The following ODAD2 variants were observed in gnomAD, a reference collection of about 807,000 sequenced individuals.
The protein encoded by ODAD2 is outer dynein arm docking complex subunit 2.
Under a neutral mutation model 106.8 loss-of-function variants are expected in ODAD2, and 89 were observed. The observed-to-expected ratio is 0.83, with a 90% CI of 0.70 to 0.99. The LOEUF (loss-of-function observed/expected upper bound fraction) is 0.99. Ranked by LOEUF, ODAD2 falls within the 50% of genes least tolerant of loss-of-function variation. ODAD2 has a pLI of 0.00. For missense variants in ODAD2, 1,168 were observed against 1,238.5 expected, an observed-to-expected ratio of 0.94 and a Z score of 0.85; for synonymous variants, 404 against 436.2, an observed-to-expected ratio of 0.93 and a Z score of 0.92.
At chr10:27,900,370 C>T (rs971509283) in intron 17 of ODAD2, among the ~76,000 whole-genome samples, 2 of 152,174 alleles carry the variant, frequency 1.3e-5, no homozygotes, top group African/African-American at 2.4e-5. Context: ...AAAACCAGCA[C>T]AAAAAGGCTG....
At chr10:27,909,732 C>T (rs1281801091) in intron 16 of ODAD2, among the ~76,000 whole-genome samples, 1 of 143,772 alleles carries the variant, frequency 7.0e-6, no homozygotes, top group Non-Finnish European at 1.5e-5. Context: ...GCAGGAGAGT[C>T]GCTTGAACCC....
At chr10:27,873,993 G>A (rs1841119554) in intron 17 of ODAD2, among the ~76,000 whole-genome samples, 1 of 152,174 alleles carries the variant, frequency 6.6e-6, no homozygotes, top group Non-Finnish European at 1.5e-5. Context: ...GGGAGCCTAA[G>A]TCTCTTTGTA....
intron 17 of ODAD2, among the ~76,000 whole-genome samples, chr10:27,893,310 T>C (rs1842677734): frequency 6.6e-6 from 1 of 152,156 alleles, no homozygotes; most frequent in South Asian, 2.1e-4. Context: ...TATAACAATA[T>C]AAAAAAACGG....
intron 8 of ODAD2, among the ~76,000 whole-genome samples, chr10:27,970,101 AAAATAAATAAATAAATAAATAAAT>A (rs57804974): frequency 4.5e-5 from 6 of 133,320 alleles, no homozygotes; most frequent in Admixed American, 7.8e-5. Flanking sequence ...TCTGTCTCAA[AAAATAAATAAATAAATAAATAAAT>A]AAATAAATAA....
rs1790462153 is a variant in ODAD2, at chr10:27,939,832, G to T, written c.2097+65C>A. ...CATTCTCACAGAAGGAAACCACATG[G>T]TTAGAAAACTACCTTAAACTATGTG... is the stretch of plus-strand genomic sequence containing the variant. On this transcript the variant is annotated intron_variant, in intron 14 of 19. Coordinates refer to ENST00000305242, the MANE Select transcript of ODAD2 (RefSeq NM_018076.5). 10 of 890,230 alleles carry T rather than the reference G, an allele frequency of 1.1e-5. No individual in the cohort carries two copies. In the South Asian group the frequency reaches 2.2e-4, roughly 20 times the overall value. 55.1% of individuals were successfully genotyped at this position (890,230 alleles called of 1,614,324 possible).
intron 16 of ODAD2, among the ~76,000 whole-genome samples, chr10:27,917,409 A>G (rs1000982337): frequency 6.6e-5 from 10 of 152,254 alleles, no homozygotes; most frequent in African/African-American, 2.4e-4. Flanking sequence ...AAAAAATTAT[A>G]TAAGACAAGA....
intron 12 of ODAD2, among the ~76,000 whole-genome samples, chr10:27,943,472 C>T (rs1201592428): frequency 1.3e-5 from 2 of 152,036 alleles, no homozygotes; most frequent in Non-Finnish European, 2.9e-5. Context: ...AAATATTATA[C>T]ATTTTATTCC....
intron 19 of ODAD2, among the ~76,000 whole-genome samples, chr10:27,817,109 T>C (rs1374951775): frequency 6.6e-6 from 1 of 152,144 alleles, no homozygotes; most frequent in Non-Finnish European, 1.5e-5. Flanking sequence ...CACTTTTATA[T>C]TCTCATTCTC....
intron 19 of ODAD2, among the ~76,000 whole-genome samples, chr10:27,847,916 A>T (rs189638603): frequency 2.6e-3 from 389 of 152,338 alleles, no homozygotes; most frequent in Non-Finnish European, 4.5e-3. Context: ...TCAACAAAAT[A>T]AAAGAGGATA....
chr10:27,952,612 T>A (rs747278355), intron 10 of ODAD2, among the ~76,000 whole-genome samples: 2 of 152,112 alleles, frequency 1.3e-5, no homozygotes, highest in Non-Finnish European at 2.9e-5. Context: ...GTGTTCTCAT[T>A]GTAGATGAAC....
intron 16 of ODAD2, among the ~76,000 whole-genome samples, chr10:27,916,336 C>T (rs1414540964): frequency 6.6e-6 from 1 of 152,048 alleles, no homozygotes; most frequent in Non-Finnish European, 1.5e-5. Flanking sequence ...AGAACAAGCA[C>T]AGGGTGAAGA....
chr10:27,842,740 G>A (rs1228841888), intron 19 of ODAD2, among the ~76,000 whole-genome samples: 1 of 152,072 alleles, frequency 6.6e-6, no homozygotes, highest in Non-Finnish European at 1.5e-5. Flanking sequence ...TTAAAATTCT[G>A]AACAAACAAA....
chr10:27,994,869 T>A, intron 2 of ODAD2, 50 bp downstream of exon 2: 1 of 1,592,336 alleles, frequency 6.3e-7, no homozygotes, highest in Non-Finnish European at 8.6e-7. Flanking sequence ...CAATTGATAA[T>A]ACTATGTACA....
chr10:27,850,440 G>T (rs946205381), intron 19 of ODAD2, among the ~76,000 whole-genome samples: 2 of 92,568 alleles, frequency 2.2e-5, no homozygotes, highest in African/African-American at 8.7e-5. Context: ...GCGAGACTCC[G>T]TCTCAAAAAA....
chr10:27,829,367 T>C (rs1837304877), intron 19 of ODAD2, among the ~76,000 whole-genome samples: 1 of 152,224 alleles, frequency 6.6e-6, no homozygotes, highest in African/African-American at 2.4e-5. Flanking sequence ...GTCCAGTAAT[T>C]GCTTTTTTCA....
intron 7 of ODAD2, among the ~76,000 whole-genome samples, chr10:27,979,625 A>G (rs1193844129): frequency 6.6e-6 from 1 of 152,172 alleles, no homozygotes; most frequent in Non-Finnish European, 1.5e-5. Context: ...TTACAGTAGC[A>G]TCAAAAATAA....
In ODAD2 at chr10:27,860,690, C is replaced by T. The variant is rs972164483; in HGVS notation, c.2956G>A (p.Ala986Thr). The change falls in exon 19 of 20, where the codon GCC becomes ACC. Residue 986 changes from alanine (A) to threonine (T), a missense_variant. Around this residue, in one of 3 missense-constraint regions of ODAD2, gnomAD observed 701 missense variants for 712.3 expected, o/e 0.98. Coordinates refer to ENST00000305242, the MANE Select transcript of ODAD2 (RefSeq NM_018076.5). ...DTNVHRATAQ[A>T]LYQLSEDADN... Reference sequence around the variant, plus strand: ...GCGTCTTCTGAGAGTTGGTACAAGGCCTGAGCTGTCGCCCGATGCACGTTG... The same window carrying T: ...GCGTCTTCTGAGAGTTGGTACAAGGTCTGAGCTGTCGCCCGATGCACGTTG... 5 of 1,614,134 alleles carry T rather than the reference C, an allele frequency of 3.1e-6. No individual in the cohort carries two copies. Among genetic ancestry groups the T allele is most frequent in the Non-Finnish European group, 4.2e-6 (5 of 1,180,018 alleles).
At chr10:27,912,964 A>T (rs971165928) in intron 16 of ODAD2, among the ~76,000 whole-genome samples, 2 of 152,176 alleles carry the variant, frequency 1.3e-5, no homozygotes, top group Admixed American at 6.5e-5. Flanking sequence ...AAATTTGGAG[A>T]AAAGATGTGA....
At chr10:27,942,773 C>G (rs1408857306) in intron 12 of ODAD2, among the ~76,000 whole-genome samples, 1 of 152,188 alleles carries the variant, frequency 6.6e-6, no homozygotes, top group East Asian at 1.9e-4. Flanking sequence ...ACATCCACCA[C>G]CTGGAGTCTC....
Sources: gnomAD v4.1 joint callset for allele counts (sites outside exome capture counted in the v4.1 genomes callset) on GRCh38, gnomAD v4.1.1 for gene constraint, gnomAD v4.1.1 regional missense constraint, MANE v1.5 for transcripts, NCBI Gene and HGNC (gene_info 2026-07-23, HGNC 2026-07-21) for gene names.